Variants in IL1RAPL2 observed in about 807,000 individuals in gnomAD.
IL1RAPL2 encodes the protein interleukin 1 receptor accessory protein like 2, also known as X-linked interleukin-1 receptor accessory protein-like 2.
In IL1RAPL2, 3 loss-of-function variants were observed where a neutral mutation model predicts 44.1. The ratio of observed to expected loss-of-function variants is 0.07; its 90% CI spans 0.03 to 0.18. IL1RAPL2 has a LOEUF of 0.18. Among genes scored for constraint, IL1RAPL2 ranks in the 10% least tolerant of loss-of-function variants. IL1RAPL2 has a pLI of 1.00. For missense variants in IL1RAPL2, 391 were observed against 496.4 expected (o/e 0.79, Z 2.02); for synonymous variants, 181 against 178.8 (o/e 1.01, Z -0.10).
At chrX:105,203,094 C>A (rs2033731666) in intron 3 of IL1RAPL2, among the ~76,000 whole-genome samples, 1 of 111,894 alleles carries the variant, frequency 8.9e-6, no homozygotes, top group South Asian at 3.7e-4. Context: ...CATCTGCCCA[C>A]CTACTGGCAT....
intron 6 of IL1RAPL2, among the ~76,000 whole-genome samples, chrX:105,573,309 T>G (rs1011841885): frequency 1.9e-4 from 21 of 111,475 alleles, no homozygotes; most frequent in Non-Finnish European, 4.0e-4. Context: ...TTCACCTGCT[T>G]CAGCCTCCCA....
At chrX:105,050,873 A>C (rs1314389590) in intron 2 of IL1RAPL2, among the ~76,000 whole-genome samples, 1 of 112,535 alleles carries the variant, frequency 8.9e-6, no homozygotes, top group Non-Finnish European at 1.9e-5. Flanking sequence ...ACATCTCTGC[A>C]GGTCTCTGAA....
intron 2 of IL1RAPL2, among the ~76,000 whole-genome samples, chrX:104,908,324 G>A (rs1924104298): frequency 9.0e-6 from 1 of 111,354 alleles, no homozygotes; most frequent in African/African-American, 3.3e-5. Context: ...ATATTGTTAT[G>A]TGTGAATTTG....
intron 6 of IL1RAPL2, among the ~76,000 whole-genome samples, chrX:105,585,346 C>T (rs1393542608): frequency 9.2e-6 from 1 of 109,004 alleles, no homozygotes; most frequent in Non-Finnish European, 1.9e-5. Context: ...TTGAGGGATG[C>T]AGTTTTTTTA....
intron 4 of IL1RAPL2, among the ~76,000 whole-genome samples, chrX:105,256,771 T>C (rs1418253593): frequency 1.8e-5 from 2 of 111,778 alleles, no homozygotes; most frequent in Non-Finnish European, 3.8e-5. Flanking sequence ...GTGTTTCTAG[T>C]AGTTTCTGAT....
intron 5 of IL1RAPL2, among the ~76,000 whole-genome samples, chrX:105,373,294 A>T (rs755895634): frequency 8.9e-6 from 1 of 112,264 alleles, no homozygotes; most frequent in East Asian, 2.8e-4. Context: ...TTTTTCATAC[A>T]GTTGTTGGCT....
At chrX:105,022,869 TG>T (rs200561490) in intron 2 of IL1RAPL2, among the ~76,000 whole-genome samples, 3,179 of 111,056 alleles carry the variant, frequency 0.029, 71 homozygotes, top group Admixed American at 0.087. Context: ...ACCTGTGAAA[TG>T]CCTTCAGGTG....
intron 2 of IL1RAPL2, among the ~76,000 whole-genome samples, chrX:104,964,279 G>GATTGATTT (rs1328168955): frequency 8.7e-4 from 88 of 100,890 alleles, no homozygotes; most frequent in African/African-American, 3.1e-3. Context: ...TTGTGCCAGG[G>GATTGATTT]ATTTATTTAT....
intron 2 of IL1RAPL2, among the ~76,000 whole-genome samples, chrX:104,934,123 A>C (rs1924971207): frequency 8.9e-6 from 1 of 111,979 alleles, no homozygotes; most frequent in South Asian, 3.6e-4. Flanking sequence ...AGGTGTTCAC[A>C]ATCTTTTGTT....
intron 2 of IL1RAPL2, among the ~76,000 whole-genome samples, chrX:104,999,649 C>T (rs1016046463): frequency 6.3e-5 from 7 of 111,518 alleles, no homozygotes; most frequent in Non-Finnish European, 1.3e-4. Context: ...ATGGACTTTT[C>T]CAGTATGCGT....
At chrX:104,603,267 T>C (rs1471020345) in intron 1 of IL1RAPL2, among the ~76,000 whole-genome samples, 6 of 110,410 alleles carry the variant, frequency 5.4e-5, no homozygotes, top group African/African-American at 2.0e-4. Flanking sequence ...CAGAAAGGAA[T>C]AGCACGTCCA....
At chrX:105,096,726 G>T (rs901038917) in intron 2 of IL1RAPL2, among the ~76,000 whole-genome samples, 2 of 111,488 alleles carry the variant, frequency 1.8e-5, no homozygotes, top group Non-Finnish European at 3.8e-5. Context: ...ATGGACATGG[G>T]TTTCTTTTTG....
chrX:105,605,941 A>G (rs1420987906), intron 6 of IL1RAPL2, among the ~76,000 whole-genome samples: 2 of 111,926 alleles, frequency 1.8e-5, no homozygotes, highest in African/African-American at 6.5e-5. Context: ...CAAATACAAA[A>G]ATAATCTCAA....
chrX:105,680,330 G>A (rs1052270206), intron 6 of IL1RAPL2, among the ~76,000 whole-genome samples: 5 of 111,909 alleles, frequency 4.5e-5, no homozygotes, highest in African/African-American at 1.3e-4. Flanking sequence ...TTCTCAAAAC[G>A]TCCTAAAGTC....
At chrX:105,202,852 G>A (rs1375093641) in intron 3 of IL1RAPL2, among the ~76,000 whole-genome samples, 1 of 111,942 alleles carries the variant, frequency 8.9e-6, no homozygotes, top group Non-Finnish European at 1.9e-5. Context: ...TTGGCTGAAG[G>A]AAAATATATA....
chrX:105,469,714 T>A (rs2036153281), intron 5 of IL1RAPL2, among the ~76,000 whole-genome samples: 1 of 110,852 alleles, frequency 9.0e-6, no homozygotes, highest in Admixed American at 9.7e-5. Flanking sequence ...GAAGCCAGAC[T>A]GCCTAAATTC....
At chrX:105,363,277 G>GTATATATATATATATA (rs1186214852) in intron 5 of IL1RAPL2, among the ~76,000 whole-genome samples, 1 of 81,082 alleles carries the variant, frequency 1.2e-5, no homozygotes, top group Non-Finnish European at 2.3e-5. Flanking sequence ...ATATATGTGT[G>GTATATATATATATATA]TATATATATA....
chrX:104,871,748 G>A (rs561475591), intron 2 of IL1RAPL2, among the ~76,000 whole-genome samples: 7 of 111,685 alleles, frequency 6.3e-5, no homozygotes, highest in African/African-American at 2.3e-4. Flanking sequence ...TATTGATGTG[G>A]ATGATTCCTT....
chrX:105,476,866 C>T (rs957110173), intron 5 of IL1RAPL2, among the ~76,000 whole-genome samples: 24 of 111,938 alleles, frequency 2.1e-4, no homozygotes, highest in African/African-American at 5.8e-4. Context: ...TTGTCTTCAT[C>T]GGCTTCTGCA....
Sources: gnomAD v4.1 joint callset for allele counts (sites outside exome capture counted in the v4.1 genomes callset) on GRCh38, gnomAD v4.1.1 for gene constraint, MANE v1.5 for transcripts, NCBI Gene and HGNC (gene_info 2026-07-23, HGNC 2026-07-21) for gene names.